The following LRTM1 variants were observed in gnomAD, a reference collection of about 807,000 sequenced individuals.
LRTM1 encodes the protein leucine-rich repeat and transmembrane domain-containing protein 1.
Under a neutral mutation model 32.4 loss-of-function variants are expected in LRTM1, and 38 were observed. That is an observed-to-expected ratio of 1.17 (90% CI 0.91 to 1.54). LRTM1 has a LOEUF of 1.54. LRTM1 is among the 40% of genes most tolerant of loss of function. The pLI, the probability that LRTM1 is intolerant of heterozygous loss-of-function variation, is 0.00. For missense variants in LRTM1, 466 were observed against 415.4 expected, an observed-to-expected ratio of 1.12 and a Z score of -1.06; for synonymous variants, 186 against 169.9, an observed-to-expected ratio of 1.09 and a Z score of -0.74.
intron 1 of LRTM1, among the ~76,000 whole-genome samples, chr3:54,951,508 T>A (rs1271470516): frequency 6.6e-6 from 1 of 152,180 alleles, no homozygotes. Context: ...GTTGTAGGAT[T>A]TCAGTTACTG....
At chr3:54,929,352 A>G (rs113550382), upstream of LRTM1, among the ~76,000 whole-genome samples, 64 of 152,314 alleles carry the variant, frequency 4.2e-4, no homozygotes, top group African/African-American at 1.4e-3. Context: ...ACTTCTGAGG[A>G]CAACCTGGAC....
chr3:54,927,455 A>G (rs1701054801), intron 1 of LRTM1, among the ~76,000 whole-genome samples: 2 of 152,180 alleles, frequency 1.3e-5, no homozygotes, highest in Admixed American at 6.5e-5. Context: ...GACACCCCTC[A>G]TTTTTAGCTG....
intron 1 of LRTM1, among the ~76,000 whole-genome samples, chr3:54,953,719 G>A (rs1293642429): frequency 2.0e-5 from 3 of 152,178 alleles, no homozygotes; most frequent in Admixed American, 6.5e-5. Context: ...GCCTGTGAAC[G>A]CTTGGGGCAA....
At chr3:54,935,813 T>C (rs963409045) in intron 1 of LRTM1, among the ~76,000 whole-genome samples, 3 of 152,234 alleles carry the variant, frequency 2.0e-5, no homozygotes, top group Non-Finnish European at 4.4e-5. Context: ...TTTTTCTCTT[T>C]AAGGTTTGTT....
chr3:54,943,789 A>G (rs1179294056), intron 1 of LRTM1, among the ~76,000 whole-genome samples: 1 of 152,064 alleles, frequency 6.6e-6, no homozygotes, highest in Admixed American at 6.6e-5. Flanking sequence ...ATAGCTCTCT[A>G]GGTTTGCTGG....
intron 1 of LRTM1, among the ~76,000 whole-genome samples, chr3:54,964,845 G>A (rs1294758492): frequency 2.0e-5 from 3 of 150,018 alleles, no homozygotes; most frequent in African/African-American, 4.9e-5. Context: ...CTTGTTTTTT[G>A]CACTTTAAAT....
chr3:54,922,246 A>C (rs1196893129), intron 2 of LRTM1, among the ~76,000 whole-genome samples: 1 of 151,578 alleles, frequency 6.6e-6, no homozygotes, highest in East Asian at 1.9e-4. Context: ...CCCAAAGACC[A>C]CCAGCAAGTT....
At chr3:54,937,871 G>A (rs1240016466) in intron 1 of LRTM1, among the ~76,000 whole-genome samples, 3 of 152,130 alleles carry the variant, frequency 2.0e-5, no homozygotes, top group Admixed American at 6.5e-5. Context: ...AGCAGGTGCT[G>A]GAGAAGGGGT....
upstream of LRTM1, among the ~76,000 whole-genome samples, chr3:54,929,654 A>G (rs1009621162): frequency 1.3e-5 from 2 of 152,120 alleles, no homozygotes. Context: ...AGCATCACAC[A>G]TACAATGGGC....
At chr3:54,923,831 CAG>C (rs1700927334) in intron 2 of LRTM1, among the ~76,000 whole-genome samples, 1 of 152,214 alleles carries the variant, frequency 6.6e-6, no homozygotes, top group South Asian at 2.1e-4. Context: ...CCATTGACAA[CAG>C]GGGTTGGCAA....
chr3:54,918,918 A>G (rs750990226), intron 2 of LRTM1, 26 bp from the exon 3 acceptor site: 10 of 1,507,518 alleles, frequency 6.6e-6, no homozygotes, highest in Non-Finnish European at 8.9e-6. Context: ...GCAAAGAACA[A>G]TAACAAAGCC....
intron 1 of LRTM1, among the ~76,000 whole-genome samples, chr3:54,942,493 C>G (rs1009410844): frequency 1.3e-5 from 2 of 152,208 alleles, no homozygotes; most frequent in African/African-American, 4.8e-5. Context: ...TTATATGCTC[C>G]TCTTAATGCA....
At chr3:54,947,581 G>A (rs1701646850) in intron 1 of LRTM1, among the ~76,000 whole-genome samples, 1 of 152,122 alleles carries the variant, frequency 6.6e-6, no homozygotes, top group African/African-American at 2.4e-5. Context: ...TCCCCACAGT[G>A]GCCTGATGCC....
intron 2 of LRTM1, among the ~76,000 whole-genome samples, chr3:54,923,216 CT>C (rs752044462): frequency 1.3e-5 from 2 of 152,186 alleles, no homozygotes; most frequent in Non-Finnish European, 2.9e-5. Context: ...TTGGCCTTCT[CT>C]GCACACTTCT....
chr3:54,928,509 G>A (rs1033718568), upstream of LRTM1, among the ~76,000 whole-genome samples: 5 of 152,140 alleles, frequency 3.3e-5, no homozygotes, highest in Non-Finnish European at 7.4e-5. Flanking sequence ...AGGCTGACAC[G>A]GTTTGCACCG....
In LRTM1 at chr3:54,926,505, TACACACACACACACACACACACAC is replaced by T. The variant is rs36205023; in HGVS notation, c.8-1314_8-1291del. Among the ~76,000 whole-genome samples the T allele has an allele frequency of 3.1e-3, 447 of 143,408 alleles. 1 individual carries two copies. Among genetic ancestry groups the T allele is most frequent in the Non-Finnish European group, 5.4e-3 (351 of 65,492 alleles). 94.1% of individuals were successfully genotyped at this position (143,408 alleles called of 152,430 possible). On this transcript the variant is annotated intron_variant, in intron 1 of 2. Transcript: ENST00000273286. ...CTACTGTGCTCCACTGCCTGTCAAA[TACACACACACACACACACACACAC>T]ACACACACACACACACACACACACT...
chr3:54,934,820 C>T (rs770460035), intron 1 of LRTM1, among the ~76,000 whole-genome samples: 1 of 152,186 alleles, frequency 6.6e-6, no homozygotes, highest in Non-Finnish European at 1.5e-5. Context: ...CAACTTCCAT[C>T]TCCAAGGTTC....
upstream of LRTM1, among the ~76,000 whole-genome samples, chr3:54,928,344 T>G (rs2106949425): frequency 6.6e-6 from 1 of 152,286 alleles, no homozygotes; most frequent in African/African-American, 2.4e-5. Flanking sequence ...TAAAACTGCC[T>G]TCTTAATCCG....
intron 1 of LRTM1, among the ~76,000 whole-genome samples, chr3:54,957,062 G>A (rs951987884): frequency 2.6e-5 from 4 of 152,044 alleles, no homozygotes; most frequent in African/African-American, 9.7e-5. Flanking sequence ...GCAGACACCT[G>A]GCACATACTA....
Sources: allele counts gnomAD v4.1 joint callset (sites outside exome capture counted in the v4.1 genomes callset), GRCh38; gene constraint gnomAD v4.1.1; transcripts MANE v1.5; gene names NCBI Gene and HGNC (gene_info 2026-07-23, HGNC 2026-07-21).